The following DMD variants were observed in gnomAD, a reference collection of about 807,000 sequenced individuals.
DMD encodes the protein mutant dystrophin.
A neutral mutation model predicts 330.1 loss-of-function variants in DMD; 63 were observed. That is an observed-to-expected ratio of 0.19 (90% confidence interval 0.16 to 0.24). The LOEUF (loss-of-function observed/expected upper bound fraction) is 0.24. Ranked by LOEUF, DMD falls within the 10% of genes least tolerant of loss-of-function variation. DMD has a pLI of 1.00. For synonymous variants in DMD, 1,223 were observed against 959.8 expected, an observed-to-expected ratio of 1.27 and a Z score of -5.07; for missense variants, 3,344 against 2,684.1, an observed-to-expected ratio of 1.25 and a Z score of -5.43.
intron 49 of DMD, among the ~76,000 whole-genome samples, chrX:31,833,344 A>AGG (rs2093113032): frequency 1.2e-4 from 6 of 48,305 alleles, no homozygotes; most frequent in Admixed American, 2.8e-4. Flanking sequence ...GAGAGAGTGG[A>AGG]GAGGGAGGGA....
At chrX:31,839,967 A>AT (rs1432084171) in intron 48 of DMD, among the ~76,000 whole-genome samples, 3 of 111,618 alleles carry the variant, frequency 2.7e-5, no homozygotes, top group Non-Finnish European at 5.7e-5. Flanking sequence ...AAAAACTTCT[A>AT]TGAGTATTAA....
intron 55 of DMD, among the ~76,000 whole-genome samples, chrX:31,530,652 T>A (rs2073689179): frequency 1.0e-5 from 1 of 95,376 alleles, no homozygotes; most frequent in Non-Finnish European, 2.0e-5. Context: ...TTTCTCTTTT[T>A]TTTTTTTTTT....
chrX:32,700,117 C>T (rs184389596), intron 7 of DMD, among the ~76,000 whole-genome samples: 1 of 111,774 alleles, frequency 8.9e-6, no homozygotes, highest in African/African-American at 3.2e-5. Flanking sequence ...TTACTGCACT[C>T]ATTCCAGTGA....
At chrX:31,567,677 A>C (rs1367971204) in intron 55 of DMD, among the ~76,000 whole-genome samples, 1 of 111,473 alleles carries the variant, frequency 9.0e-6, no homozygotes, top group Admixed American at 9.6e-5. Flanking sequence ...TCTTCTAACT[A>C]AATAATCTAA....
At chrX:32,882,911 A>C (rs1243079172) in intron 2 of DMD, among the ~76,000 whole-genome samples, 1 of 112,513 alleles carries the variant, frequency 8.9e-6, no homozygotes, top group Non-Finnish European at 1.9e-5. Flanking sequence ...CTCAAAGAGC[A>C]AAAAGCCAGA....
At chrX:31,407,659 T>C (rs2061462563) in intron 60 of DMD, among the ~76,000 whole-genome samples, 1 of 106,477 alleles carries the variant, frequency 9.4e-6, no homozygotes, top group Admixed American at 1.0e-4. Context: ...TTTTTTTTTT[T>C]TAAGTAGAGA....
intron 52 of DMD, among the ~76,000 whole-genome samples, chrX:31,718,286 A>G (rs1424348694): frequency 1.8e-5 from 2 of 111,550 alleles, no homozygotes; most frequent in Non-Finnish European, 3.8e-5. Flanking sequence ...AATTCTGTGC[A>G]TAGACATTAG....
intron 2 of DMD, among the ~76,000 whole-genome samples, chrX:33,017,760 C>T (rs980351999): frequency 9.0e-6 from 1 of 111,230 alleles, no homozygotes; most frequent in African/African-American, 3.3e-5. Flanking sequence ...CTCAGACCAC[C>T]CACACTGAGC....
intron 2 of DMD, among the ~76,000 whole-genome samples, chrX:32,850,317 T>A (rs2081036866): frequency 8.9e-6 from 1 of 112,247 alleles, no homozygotes; most frequent in Admixed American, 9.5e-5. Flanking sequence ...TCATACTGGA[T>A]AACTCAAATT....
intron 47 of DMD, among the ~76,000 whole-genome samples, chrX:31,913,212 G>A (rs1475677129): frequency 8.9e-6 from 1 of 111,895 alleles, no homozygotes; most frequent in Admixed American, 9.5e-5. Context: ...CTTATTTTAA[G>A]CCAGTAACTT....
chrX:32,050,974 C>CTTTTTTTTTTTTTTTTTTTTT lies in DMD; in HGVS notation c.6439-82461_6439-82460insAAAAAAAAAAAAAAAAAAAAA, dbSNP rs761835866. ...TTACATTGCCTCAGGCTAACTTCCT[C>CTTTTTTTTTTTTTTTTTTTTT]TTTTTTTTTTTTTCCCCCTAATAGA... On this transcript the variant is annotated intron_variant, in intron 44 of 78. Transcript: ENST00000357033. Among the ~76,000 whole-genome samples, 33 of 78,120 alleles carry CTTTTTTTTTTTTTTTTTTTTT rather than the reference C, an allele frequency of 4.2e-4. 6 individuals are homozygous for CTTTTTTTTTTTTTTTTTTTTT. Among genetic ancestry groups the CTTTTTTTTTTTTTTTTTTTTT allele is most frequent in the African/African-American group, 1.7e-3 (30 of 17,524 alleles). 67.8% of individuals were successfully genotyped at this position (78,120 alleles called of 115,157 possible).
At chrX:32,586,191 A>T (rs748732913) in intron 13 of DMD, among the ~76,000 whole-genome samples, 6 of 111,123 alleles carry the variant, frequency 5.4e-5, no homozygotes, top group African/African-American at 2.0e-4. Context: ...CAGTTCCTCA[A>T]GCATACCAGT....
chrX:32,564,198 C>T (rs751334167), intron 16 of DMD, among the ~76,000 whole-genome samples: 2 of 112,006 alleles, frequency 1.8e-5, no homozygotes, highest in African/African-American at 3.3e-5. Context: ...TATGCAGACT[C>T]AAGTTTGAGA....
intron 54 of DMD, among the ~76,000 whole-genome samples, chrX:31,648,111 C>G (rs1187847817): frequency 1.8e-5 from 2 of 111,059 alleles, no homozygotes; most frequent in African/African-American, 6.5e-5. Context: ...ATAAAACTAT[C>G]TGAAAATGCT....
chrX:32,635,647 A>G (rs1416283484), intron 11 of DMD, among the ~76,000 whole-genome samples: 1 of 112,250 alleles, frequency 8.9e-6, no homozygotes, highest in Non-Finnish European at 1.9e-5. Flanking sequence ...ACATATGCAC[A>G]TAGTTTTTTG....
At chrX:31,690,374 A>G (rs1300438894) in intron 52 of DMD, among the ~76,000 whole-genome samples, 1 of 112,443 alleles carries the variant, frequency 8.9e-6, no homozygotes. Flanking sequence ...AAAAATGCTC[A>G]TCATCACTGG....
chrX:32,437,671 A>T (rs147079729), intron 29 of DMD, among the ~76,000 whole-genome samples: 1 of 112,344 alleles, frequency 8.9e-6, no homozygotes, highest in Non-Finnish European at 1.9e-5. Context: ...AAACATCATT[A>T]TAAAATGGGT....
At chrX:32,252,849 T>A (rs1408400312) in intron 43 of DMD, among the ~76,000 whole-genome samples, 58 of 75,785 alleles carry the variant, frequency 7.7e-4, no homozygotes, top group Non-Finnish European at 1.2e-3. Flanking sequence ...TATAAATATA[T>A]AAATATATAT....
intron 53 of DMD, among the ~76,000 whole-genome samples, chrX:31,666,535 C>T (rs1323258456): frequency 1.8e-5 from 2 of 112,090 alleles, no homozygotes; most frequent in Non-Finnish European, 3.8e-5. Flanking sequence ...CAGATATGAC[C>T]TTATTTCACA....
Sources: gnomAD v4.1 joint callset for allele counts (sites outside exome capture counted in the v4.1 genomes callset) on GRCh38, gnomAD v4.1.1 for gene constraint, MANE v1.5 for transcripts, NCBI Gene and HGNC (gene_info 2026-07-23, HGNC 2026-07-21) for gene names.